SYNE2: variants seen among roughly 807,000 people sequenced by gnomAD.
The protein encoded by SYNE2 is nesprin-2.
In SYNE2, 431 loss-of-function variants were observed where a neutral mutation model predicts 856.3. The observed-to-expected ratio is 0.50, with a 90% confidence interval of 0.47 to 0.55. The LOEUF (loss-of-function observed/expected upper bound fraction) is 0.55. SYNE2 is among the 20% of genes least tolerant of loss of function. The pLI is 0.00. For missense variants in SYNE2, 8,129 were observed against 8,023.2 expected (o/e 1.01, Z -0.50); for synonymous variants, 2,923 against 2,872.3 (o/e 1.02, Z -0.56).
intron 84 of SYNE2, among the ~76,000 whole-genome samples, chr14:64,147,901 T>TA (rs1258228438): frequency 6.6e-6 from 1 of 152,198 alleles, no homozygotes; most frequent in African/African-American, 2.4e-5. Context: ...GCCCAGTTCT[T>TA]ATAGCCGTTC....
Position 64,020,091 on chromosome 14 carries a change from C to G in SYNE2, c.5149C>G (p.Gln1717Glu). ...LQSSEIPLELQVMESSILNKM... is the reference protein window; with the variant it reads ...LQSSEIPLELEVMESSILNKM... ...AAGCAGTGAAATACCTCTTGAATTG[C>G]AGGTAAGAATTTTTATTTAAAAGTT... The change falls in exon 35 of 116, where the codon CAG becomes GAG. Residue 1717 changes from glutamine (Q) to glutamate (E), a missense_variant and splice_region_variant. Physicochemically the swap from Gln to Glu is conservative, Grantham distance 29 (BLOSUM62 2). Coordinates refer to ENST00000555002, the MANE Select transcript of SYNE2 (RefSeq NM_182914.3). The G allele has an allele frequency of 6.2e-7, 1 of 1,604,126 alleles. No individual in the cohort carries two copies. Among genetic ancestry groups the G allele is most frequent in the Non-Finnish European group, 8.5e-7 (1 of 1,171,262 alleles).
At position 64,121,064 on chromosome 14, in the gene SYNE2, A is replaced by G. The variant is rs936030102; in HGVS notation, c.13158+3A>G. On this transcript the variant is annotated splice_donor_region_variant and intron_variant, in intron 68 of 115. Transcript: ENST00000555002. ...AAAAAGATTTCCAGCAGCAACAGGTAATTCTAGCCCCCAACAGTTGTAGGG... is the reference window on the plus strand; with the variant it reads ...AAAAAGATTTCCAGCAGCAACAGGTGATTCTAGCCCCCAACAGTTGTAGGG... The G allele has an allele frequency of 1.5e-5, 25 of 1,613,892 alleles. No individual in the cohort carries two copies. Among genetic ancestry groups the G allele is most frequent in the Non-Finnish European group, 2.0e-5 (24 of 1,179,932 alleles).
intron 63 of SYNE2, chr14:64,099,350 AAAGG>A (rs2097702581): frequency 5.8e-6 from 1 of 170,998 alleles, no homozygotes; most frequent in Admixed American, 5.6e-5. Context: ...TCTTAAGACA[AAAGG>A]AAGAAAATTG....
chr14:64,058,235 T>C (rs950594574), intron 49 of SYNE2, among the ~76,000 whole-genome samples: 2 of 152,208 alleles, frequency 1.3e-5, no homozygotes, highest in Non-Finnish European at 2.9e-5. Flanking sequence ...TGTTTTCTTT[T>C]AGTAGTTTCA....
At position 64,188,666 on chromosome 14, in the gene SYNE2, A is replaced by C. The variant is rs199683854; in HGVS notation, c.17829A>C (p.Thr5943=). 6.2e-7 allele frequency: 1 copy of C among 1,614,260 alleles called. No individual in the cohort carries two copies. The highest frequency in any genetic ancestry group is 1.3e-5 in the African/African-American group (1 of 75,072). ...LVQMENKVLQ[T]ADISIEEMIE... ...AGATGGAAAACAAAGTTCTACAGAC[A>C]GCGGACATTAGTATTGAAGAAATGA... Residue 5943 remains threonine (T), a synonymous_variant, in exon 98 of 116, where the codon ACA becomes ACC. Coordinates refer to ENST00000555002, the MANE Select transcript of SYNE2 (RefSeq NM_182914.3).
In SYNE2 at chr14:64,208,959, T is replaced by C; in HGVS notation, c.18389+14T>C. 1 of 1,612,696 alleles carries C rather than the reference T, an allele frequency of 6.2e-7. No homozygotes were observed. The highest frequency in any genetic ancestry group is 8.5e-7 in the Non-Finnish European group (1 of 1,179,646). On this transcript the variant is annotated intron_variant, in intron 101 of 115. Coordinates refer to ENST00000555002, the MANE Select transcript of SYNE2 (RefSeq NM_182914.3). ...GCGGCGCATGAAGTAAGAACTAAGC[T>C]CCCCCAAATGCCTTCAGCGTGGTCA... is the stretch of plus-strand genomic sequence containing the variant.
At chr14:63,956,290 C>A in intron 8 of SYNE2, 1 of 410,526 alleles carries the variant, frequency 2.4e-6, no homozygotes, top group South Asian at 1.8e-5. Context: ...AGACAGATAG[C>A]CTCAGGAGCA....
chr14:64,129,585 C>T (rs999597358), intron 74 of SYNE2, among the ~76,000 whole-genome samples, 197 bp from the exon 75 acceptor site: 1 of 152,142 alleles, frequency 6.6e-6, no homozygotes, highest in East Asian at 1.9e-4. Context: ...CATGTCTACC[C>T]CTACTGGTAT....
intron 2 of SYNE2, among the ~76,000 whole-genome samples, chr14:63,912,688 A>G (rs2095486776): frequency 6.6e-6 from 1 of 152,192 alleles, no homozygotes; most frequent in Admixed American, 6.5e-5. Flanking sequence ...CAACACCCTG[A>G]CTCAGAATAA....
intron 102 of SYNE2, 77 bp downstream of exon 102, chr14:64,209,655 C>T: frequency 1.9e-6 from 3 of 1,585,804 alleles, no homozygotes; most frequent in South Asian, 1.1e-5. Context: ...AAATGACTTC[C>T]TCTAAGTAGC....
chr14:63,941,890 G>A lies in SYNE2; in HGVS notation c.243G>A (p.Arg81=). The A allele has an allele frequency of 6.2e-7, 1 of 1,613,174 alleles. No homozygotes were observed. The highest frequency in any genetic ancestry group is 8.5e-7 in the Non-Finnish European group (1 of 1,179,854). The change falls in exon 5 of 116, where the codon CGG becomes CGA. Residue 81 remains arginine, a synonymous_variant. Transcript: ENST00000555002. The part of the protein sequence containing the change: ...LEVLSGQQLP[R]DKGSNTFQCR... ...TATTTGCTTGAATTTCACAGCCTCGGGATAAAGGATCTAATACCTTCCAGT... is the reference window on the plus strand; with the variant it reads ...TATTTGCTTGAATTTCACAGCCTCGAGATAAAGGATCTAATACCTTCCAGT...
intron 85 of SYNE2, among the ~76,000 whole-genome samples, chr14:64,156,293 C>T (rs893153448): frequency 6.6e-6 from 1 of 152,156 alleles, no homozygotes; most frequent in African/African-American, 2.4e-5. Context: ...CAACATGAGC[C>T]ATGGCAGTTC....
chr14:64,107,808 A>G (rs2097781035), intron 65 of SYNE2, among the ~76,000 whole-genome samples: 2 of 152,250 alleles, frequency 1.3e-5, no homozygotes, highest in Admixed American at 6.5e-5. Flanking sequence ...GGCATGGCAT[A>G]GAGAATTAGA....
In SYNE2 at chr14:64,015,041, A is replaced by G. The variant is rs898874965; in HGVS notation, c.4729-1432A>G. ...TATATGTATATAAATATATATGTAT[A>G]TATGTATATATATAAATATATATGT... On this transcript the variant is annotated intron_variant, in intron 32 of 115. Transcript: ENST00000555002. 2.1e-5 allele frequency among the ~76,000 whole-genome samples: 3 copies of G among 145,122 alleles called. No individual in the cohort carries two copies. In the East Asian group the frequency reaches 6.1e-4, roughly 29 times the overall value.
At chr14:63,909,297 C>T (rs1208379032) in intron 2 of SYNE2, 70 bp downstream of exon 2, 2 of 1,047,176 alleles carry the variant, frequency 1.9e-6, no homozygotes, top group African/African-American at 1.6e-5. Context: ...AGTTGCAAGT[C>T]ACACTGATTT....
intron 85 of SYNE2, among the ~76,000 whole-genome samples, chr14:64,156,065 A>G (rs1595886172): frequency 6.6e-6 from 1 of 152,226 alleles, no homozygotes; most frequent in Admixed American, 6.5e-5. Context: ...ACAATGCTCA[A>G]TAAATGCTGC....
At chr14:63,803,564 G>A (rs1211747441) in intron 1 of SYNE2, among the ~76,000 whole-genome samples, 1 of 152,206 alleles carries the variant, frequency 6.6e-6, no homozygotes, top group Non-Finnish European at 1.5e-5. Flanking sequence ...CCGAGTGCGG[G>A]GCCCGCCAAG....
chr14:63,891,953 C>T (rs916673606), intron 1 of SYNE2, among the ~76,000 whole-genome samples: 1 of 152,172 alleles, frequency 6.6e-6, no homozygotes, highest in Non-Finnish European at 1.5e-5. Context: ...AGCATCCCTG[C>T]AGCTGCCACG....
intron 1 of SYNE2, among the ~76,000 whole-genome samples, chr14:63,855,194 C>T (rs1418518661): frequency 2.6e-5 from 4 of 151,774 alleles, no homozygotes; most frequent in South Asian, 4.2e-4. Flanking sequence ...GGTGTTGGGG[C>T]GATAGTGGTG....
Sources: allele counts gnomAD v4.1 joint callset (sites outside exome capture counted in the v4.1 genomes callset), GRCh38; gene constraint gnomAD v4.1.1; transcripts MANE v1.5; gene names NCBI Gene and HGNC (gene_info 2026-07-23, HGNC 2026-07-21).